The following CPQ variants were observed in gnomAD, a reference collection of about 807,000 sequenced individuals.
The protein encoded by CPQ is Ser-Met dipeptidase.
A neutral mutation model predicts 45.7 loss-of-function variants in CPQ; 37 were observed. The ratio of observed to expected loss-of-function variants is 0.81; its 90% CI spans 0.62 to 1.07. CPQ has a LOEUF of 1.07. CPQ is among the 50% of genes least tolerant of loss of function. The pLI is 0.00. For synonymous variants in CPQ, 186 were observed against 205.8 expected, an observed-to-expected ratio of 0.90 and a Z score of 0.82; for missense variants, 537 against 572.9, an observed-to-expected ratio of 0.94 and a Z score of 0.64.
intron 1 of CPQ, among the ~76,000 whole-genome samples, chr8:96,700,561 A>C (rs1031790657): frequency 1.3e-5 from 2 of 151,654 alleles, no homozygotes; most frequent in Admixed American, 1.3e-4. Context: ...AGTAAACTGC[A>C]TGCACCTTCT....
intron 7 of CPQ, among the ~76,000 whole-genome samples, chr8:97,094,892 A>G (rs1425843738): frequency 1.3e-5 from 2 of 151,840 alleles, no homozygotes; most frequent in African/African-American, 4.8e-5. Context: ...GTCCACCAGG[A>G]TTACCTTCCC....
chr8:96,937,740 G>A (rs1374997561), intron 4 of CPQ, among the ~76,000 whole-genome samples: 5 of 152,096 alleles, frequency 3.3e-5, no homozygotes, highest in Non-Finnish European at 5.9e-5. Flanking sequence ...AGCCTCTGTC[G>A]AGCGACTCTA....
intron 5 of CPQ, among the ~76,000 whole-genome samples, chr8:97,025,649 C>T (rs1809787782): frequency 1.3e-5 from 2 of 152,174 alleles, no homozygotes; most frequent in African/African-American, 4.8e-5. Flanking sequence ...GCAGAGCTTC[C>T]ACTTACCCCA....
chr8:96,721,085 C>G (rs71514927), intron 1 of CPQ, among the ~76,000 whole-genome samples: 6,694 of 152,046 alleles, frequency 0.044, 212 homozygotes, highest in Admixed American at 0.068. Flanking sequence ...TAGTGCTGTC[C>G]TGCCCACGTA....
intron 1 of CPQ, among the ~76,000 whole-genome samples, chr8:96,673,962 CT>C (rs1399915226): frequency 1.5e-5 from 2 of 131,850 alleles, no homozygotes; most frequent in Non-Finnish European, 3.2e-5. Flanking sequence ...TTTTCTATTA[CT>C]TGTAAGAAAG....
chr8:97,088,628 T>C (rs1469752774), intron 7 of CPQ, among the ~76,000 whole-genome samples: 1 of 152,222 alleles, frequency 6.6e-6, no homozygotes, highest in African/African-American at 2.4e-5. Flanking sequence ...CTACAGTAGC[T>C]GAGGCTAATG....
intron 5 of CPQ, among the ~76,000 whole-genome samples, chr8:97,012,566 C>T (rs1371020675): frequency 6.6e-6 from 1 of 152,156 alleles, no homozygotes; most frequent in Non-Finnish European, 1.5e-5. Flanking sequence ...GGAGTGTTCA[C>T]AGACTGAATA....
chr8:97,002,455 C>T (rs924450528), intron 5 of CPQ, among the ~76,000 whole-genome samples: 2 of 152,054 alleles, frequency 1.3e-5, no homozygotes, highest in Admixed American at 6.6e-5. Context: ...GATTCTGGTA[C>T]GTTGCATCTT....
At chr8:96,840,862 A>G (rs1046743817) in intron 3 of CPQ, among the ~76,000 whole-genome samples, 1 of 152,206 alleles carries the variant, frequency 6.6e-6, no homozygotes, top group Non-Finnish European at 1.5e-5. Flanking sequence ...AAAATTTAAA[A>G]ATCTTAAGTT....
At chr8:96,823,959 TA>T (rs1048570025) in intron 2 of CPQ, among the ~76,000 whole-genome samples, 3 of 152,072 alleles carry the variant, frequency 2.0e-5, no homozygotes, top group African/African-American at 7.2e-5. Flanking sequence ...AATATACATT[TA>T]AGGACCACTC....
At chr8:96,659,602 T>C in intron 1 of CPQ, among the ~76,000 whole-genome samples, 1 of 152,230 alleles carries the variant, frequency 6.6e-6, no homozygotes, top group East Asian at 1.9e-4. Flanking sequence ...TCTTTCTGAT[T>C]TCCATTATCT....
Position 97,143,177 on chromosome 8 carries a change from G to A in CPQ, c.1413G>A (p.Arg471=), listed in dbSNP as rs1812196848. The A allele has an allele frequency of 3.7e-6, 6 of 1,613,812 alleles. No homozygotes were observed. The highest frequency in any genetic ancestry group is 5.1e-6 in the Non-Finnish European group (6 of 1,179,874). Residue 471 remains arginine, a synonymous_variant, in exon 8 of 8, where the codon AGG becomes AGA. Transcript: ENST00000220763. The stretch of plus-strand genomic sequence containing the variant: ...CAGACATGGAAGAAATGCTGCCTAG[G>A]TCCTAGAAACAGTAAGAAAGAAACG... The part of the protein sequence containing the change: ...VVADMEEMLP[R]S
chr8:96,827,444 G>T (rs1020040224), intron 2 of CPQ, among the ~76,000 whole-genome samples: 2 of 152,108 alleles, frequency 1.3e-5, no homozygotes, highest in Non-Finnish European at 2.9e-5. Context: ...AACTGGAGCT[G>T]TCTGATGTTA....
chr8:96,873,689 AC>A (rs1812109962), intron 3 of CPQ, among the ~76,000 whole-genome samples: 1 of 151,740 alleles, frequency 6.6e-6, no homozygotes, highest in Admixed American at 6.6e-5. Flanking sequence ...CCACTTCCAG[AC>A]CTTTTTTTAG....
intron 6 of CPQ, among the ~76,000 whole-genome samples, chr8:97,039,175 C>T (rs1295695357): frequency 6.6e-6 from 1 of 152,172 alleles, no homozygotes; most frequent in Non-Finnish European, 1.5e-5. Flanking sequence ...GCATAATTAC[C>T]TTGTTGGAGG....
At chr8:97,122,903 A>AAAATAAAAT (rs1563586696) in intron 7 of CPQ, among the ~76,000 whole-genome samples, 5 of 85,474 alleles carry the variant, frequency 5.8e-5, no homozygotes, top group African/African-American at 4.1e-4. Flanking sequence ...AAAATAAAAT[A>AAAATAAAAT]AAATAAAATA....
intron 2 of CPQ, among the ~76,000 whole-genome samples, chr8:96,818,416 AG>A (rs1383040042): frequency 6.6e-6 from 1 of 152,062 alleles, no homozygotes; most frequent in Non-Finnish European, 1.5e-5. Context: ...AAATATTGCA[AG>A]AATTACCTAA....
intron 4 of CPQ, among the ~76,000 whole-genome samples, chr8:96,912,485 A>C (rs969948331): frequency 2.0e-5 from 3 of 152,226 alleles, no homozygotes; most frequent in Non-Finnish European, 4.4e-5. Flanking sequence ...AATAATGATT[A>C]AAATGCTTAT....
chr8:96,952,776 A>AACTT (rs1813287146), intron 4 of CPQ, among the ~76,000 whole-genome samples: 1 of 152,152 alleles, frequency 6.6e-6, no homozygotes. Flanking sequence ...AATTTTGTGG[A>AACTT]ACTTTCCATC....
Sources: gnomAD v4.1 joint callset for allele counts (sites outside exome capture counted in the v4.1 genomes callset) on GRCh38, gnomAD v4.1.1 for gene constraint, MANE v1.5 for transcripts, NCBI Gene and HGNC (gene_info 2026-07-23, HGNC 2026-07-21) for gene names.